Variants in ADGRL3 observed in about 807,000 individuals in gnomAD.
The protein encoded by ADGRL3 is calcium-independent alpha-latrotoxin receptor 3.
Under a neutral mutation model 153.5 loss-of-function variants are expected in ADGRL3, and 62 were observed. That is an observed-to-expected ratio of 0.40 (90% CI 0.33 to 0.50). ADGRL3 has a LOEUF of 0.50. Among genes scored for constraint, ADGRL3 ranks in the 20% least tolerant of loss-of-function variants. The probability of loss-of-function intolerance (pLI) is 0.47; values close to 1 mark genes in which losing one functional copy is unlikely to be tolerated. For missense variants in ADGRL3, 1,641 were observed against 1,859.4 expected, an observed-to-expected ratio of 0.88 and a Z score of 2.16; for synonymous variants, 710 against 672.5, an observed-to-expected ratio of 1.06 and a Z score of -0.86.
rs1266206298 is a variant in ADGRL3 at position 61,467,196 on chromosome 4, A to C, written c.-173-29925A>C. 2.0e-5 allele frequency among the ~76,000 whole-genome samples: 3 copies of C among 152,136 alleles called. No homozygotes were observed. In the East Asian group the frequency reaches 5.8e-4, roughly 29 times the overall value. ...TTTTAATGTTCATAAGAGAAGTGTA[A>C]ACATTAAAATGTTAAGGCATGCATT... On this transcript the variant is annotated intron_variant, in intron 2 of 26. Transcript: ENST00000683033.
At chr4:61,450,973 A>G (rs544316945) in intron 2 of ADGRL3, among the ~76,000 whole-genome samples, 23 of 152,246 alleles carry the variant, frequency 1.5e-4, no homozygotes, top group African/African-American at 5.3e-4. Flanking sequence ...ATAGTATTAG[A>G]TTATTCTAAA....
intron 19 of ADGRL3, among the ~76,000 whole-genome samples, chr4:61,984,040 C>CAA (rs1237552966): frequency 2.0e-5 from 3 of 152,118 alleles, no homozygotes; most frequent in Non-Finnish European, 4.4e-5. Flanking sequence ...GGAGCAGGGA[C>CAA]AGCCTGTGTT....
At chr4:61,804,937 ATTTATTTATTTATT>A (rs2097537067) in intron 8 of ADGRL3, among the ~76,000 whole-genome samples, 1 of 146,478 alleles carries the variant, frequency 6.8e-6, no homozygotes, top group African/African-American at 2.5e-5. Context: ...TTATTTATTT[ATTTATTTATTTATT>A]TTTATTTATT....
chr4:61,551,713 C>T (rs73215821), intron 4 of ADGRL3, among the ~76,000 whole-genome samples: 30,352 of 152,066 alleles, frequency 0.2, 3,387 homozygotes, highest in Non-Finnish European at 0.25. Flanking sequence ...CTCAAACAAA[C>T]ATAGTCACAA....
At chr4:61,892,182 C>CT (rs5858738) in intron 9 of ADGRL3, among the ~76,000 whole-genome samples, 13,583 of 143,622 alleles carry the variant, frequency 0.095, 647 homozygotes, top group Non-Finnish European at 0.12. Context: ...TTTCTGTTTC[C>CT]TTTTTTTTTT....
intron 22 of ADGRL3, among the ~76,000 whole-genome samples, chr4:62,029,454 T>A (rs1483804669): frequency 6.6e-6 from 1 of 151,812 alleles, no homozygotes; most frequent in Non-Finnish European, 1.5e-5. Context: ...TGTATGAATA[T>A]ATTTCAGTGT....
At position 61,353,801 on chromosome 4, in the gene ADGRL3, CAG is replaced by C. The variant is rs2096105307; in HGVS notation, c.-239-29322_-239-29321del. Among the ~76,000 whole-genome samples the C allele has an allele frequency of 4.7e-5, 3 of 64,414 alleles. No individual in the cohort carries two copies. The Admixed American group carries it at 6.4e-4, about 14-fold the overall frequency. 42.3% of individuals were successfully genotyped at this position (64,414 alleles called of 152,430 possible). A position where few individuals can be genotyped will look rare whatever the true frequency, so the allele number is the denominator to read the frequency against. On this transcript the variant is annotated intron_variant, in intron 1 of 26. Transcript: ENST00000683033. ...CTCACCCCGAAATAGATGAACCAAACAGGGAAAAATTTTAGCATTTTTGTAGA... is the reference window on the plus strand; with the variant it reads ...CTCACCCCGAAATAGATGAACCAAACGGAAAAATTTTAGCATTTTTGTAGA...
At chr4:61,600,458 G>T (rs577789061) in intron 5 of ADGRL3, among the ~76,000 whole-genome samples, 1 of 152,068 alleles carries the variant, frequency 6.6e-6, no homozygotes, top group Non-Finnish European at 1.5e-5. Flanking sequence ...CTACTCCTCA[G>T]ATACTTATGC....
intron 1 of ADGRL3, among the ~76,000 whole-genome samples, chr4:61,356,466 TA>T (rs2096172310): frequency 6.6e-6 from 1 of 152,034 alleles, no homozygotes. Context: ...AAAAAAAAAT[TA>T]GTTATCTAAT....
At chr4:61,790,518 T>C (rs1294640831) in intron 8 of ADGRL3, among the ~76,000 whole-genome samples, 1 of 152,170 alleles carries the variant, frequency 6.6e-6, no homozygotes, top group Non-Finnish European at 1.5e-5. Context: ...AATAATAAAA[T>C]AGAAACAATT....
intron 2 of ADGRL3, among the ~76,000 whole-genome samples, chr4:61,482,269 A>G (rs373257844): frequency 2.6e-5 from 4 of 152,198 alleles, no homozygotes; most frequent in African/African-American, 9.6e-5. Context: ...CATTGTAAAA[A>G]ATCATCTGCT....
At chr4:61,666,543 GA>G (rs35300313) in intron 5 of ADGRL3, among the ~76,000 whole-genome samples, 3 of 143,086 alleles carry the variant, frequency 2.1e-5, no homozygotes. Flanking sequence ...TGTCCCAGAT[GA>G]AAAAAAAAAA....
intron 14 of ADGRL3, 44 bp from the exon 15 acceptor site, chr4:61,935,879 G>T: frequency 6.5e-7 from 1 of 1,537,532 alleles, no homozygotes; most frequent in East Asian, 2.4e-5. Context: ...TTGTAGCTTA[G>T]GTATGTTTCT....
At chr4:61,279,631 G>T (rs925344689) in intron 1 of ADGRL3, among the ~76,000 whole-genome samples, 4 of 152,092 alleles carry the variant, frequency 2.6e-5, no homozygotes, top group Non-Finnish European at 5.9e-5. Context: ...ATCCAATGTG[G>T]CTGGATTTAC....
chr4:61,837,958 A>T (rs879820959), intron 9 of ADGRL3, among the ~76,000 whole-genome samples: 1 of 152,114 alleles, frequency 6.6e-6, no homozygotes, highest in African/African-American at 2.4e-5. Flanking sequence ...GAAGAGTTCC[A>T]TTGTCATGAT....
intron 4 of ADGRL3, among the ~76,000 whole-genome samples, chr4:61,579,360 T>C (rs2098913165): frequency 6.6e-6 from 1 of 152,100 alleles, no homozygotes; most frequent in Non-Finnish European, 1.5e-5. Flanking sequence ...TTTGGATTTT[T>C]TGACATTTAG....
rs189513519 is a variant in ADGRL3, at chr4:61,236,136, A to G, written c.-240+34371A>G. ...GCGATTCTCCTGTCTCAACCTCCCA[A>G]GTAGGTGGGATTACAGGTGCCCACC... On this transcript the variant is annotated intron_variant, in intron 1 of 26. Coordinates refer to ENST00000683033, the MANE Select transcript of ADGRL3 (RefSeq NM_001387552.1). Among the ~76,000 whole-genome samples the G allele has an allele frequency of 4.7e-3, 706 of 149,218 alleles. 4 individuals are homozygous for G. The highest frequency in any genetic ancestry group is 7.6e-3 in the Non-Finnish European group (514 of 67,456).
At chr4:61,321,393 A>T (rs1212707767) in intron 1 of ADGRL3, among the ~76,000 whole-genome samples, 7 of 152,268 alleles carry the variant, frequency 4.6e-5, no homozygotes, top group African/African-American at 1.7e-4. Flanking sequence ...CTGTAAGTTG[A>T]ACTAACTATT....
chr4:61,200,871 T>A lies in ADGRL3; in HGVS notation c.-1134T>A, dbSNP rs1253510989. Among the ~76,000 whole-genome samples the A allele has an allele frequency of 6.6e-6, 1 of 151,458 alleles. No individual in the cohort carries two copies. Among genetic ancestry groups the A allele is most frequent in the Non-Finnish European group, 1.5e-5 (1 of 67,876 alleles). On this transcript the variant is annotated 5_prime_UTR_variant, in exon 1 of 27. Transcript: ENST00000683033. ...CTGCCCGGCCCGGCCGGCGAGCTAA[T>A]CATCCACCCCACGGGCTCGGGGTTC...
Sources: allele counts gnomAD v4.1 joint callset (sites outside exome capture counted in the v4.1 genomes callset), GRCh38; gene constraint gnomAD v4.1.1; transcripts MANE v1.5; gene names NCBI Gene and HGNC (gene_info 2026-07-23, HGNC 2026-07-21).